RBMS3: variants seen among roughly 807,000 people sequenced by gnomAD.
RBMS3 encodes the protein RNA-binding motif, single-stranded-interacting protein 3.
In RBMS3, 27 loss-of-function variants were observed where a neutral mutation model predicts 66.8. That is an observed-to-expected ratio of 0.40 (90% CI 0.30 to 0.56). The LOEUF (loss-of-function observed/expected upper bound fraction) is 0.56, where lower values mean the gene tolerates loss of function less well. Among genes scored for constraint, RBMS3 ranks in the 20% least tolerant of loss-of-function variants. The probability of loss-of-function intolerance (pLI) is 0.40; values close to 1 mark genes in which losing one functional copy is unlikely to be tolerated. For synonymous variants in RBMS3, 188 were observed against 183.0 expected (o/e 1.03, Z -0.22); for missense variants, 513 against 549.5 (o/e 0.93, Z 0.66).
intron 5 of RBMS3, among the ~76,000 whole-genome samples, chr3:29,761,360 TTA>T (rs2055679758): frequency 6.6e-6 from 1 of 152,124 alleles, no homozygotes; most frequent in African/African-American, 2.4e-5. Flanking sequence ...TTCAAACTTG[TTA>T]AACAAGTGAT....
chr3:29,898,721 C>A (rs1302588186), intron 9 of RBMS3, among the ~76,000 whole-genome samples: 1 of 143,582 alleles, frequency 7.0e-6, no homozygotes, highest in Non-Finnish European at 1.5e-5. Context: ...TGCAGGCCTG[C>A]CTGGTTGTAA....
chr3:29,779,353 A>C (rs1287624994), intron 6 of RBMS3, among the ~76,000 whole-genome samples: 1 of 151,662 alleles, frequency 6.6e-6, no homozygotes, highest in African/African-American at 2.4e-5. Flanking sequence ...GTCTAGAAGA[A>C]AAGGCACACT....
intron 3 of RBMS3, among the ~76,000 whole-genome samples, chr3:29,583,262 G>T (rs569903593): frequency 6.6e-6 from 1 of 152,048 alleles, no homozygotes; most frequent in Non-Finnish European, 1.5e-5. Context: ...TGTACCATGT[G>T]GGGGTGGAAA....
intron 3 of RBMS3, among the ~76,000 whole-genome samples, chr3:29,542,410 G>T (rs7617053): frequency 1.3e-5 from 2 of 152,046 alleles, no homozygotes; most frequent in South Asian, 4.1e-4. Flanking sequence ...GCCTAGGCTG[G>T]AGTACAATGG....
intron 3 of RBMS3, among the ~76,000 whole-genome samples, chr3:29,488,723 CA>C (rs1263211329): frequency 6.6e-6 from 1 of 152,152 alleles, no homozygotes; most frequent in African/African-American, 2.4e-5. Context: ...GAACAAGTAT[CA>C]AATTGCTTCA....
intron 6 of RBMS3, among the ~76,000 whole-genome samples, chr3:29,812,929 A>G (rs1383845289): frequency 6.6e-6 from 1 of 152,108 alleles, no homozygotes; most frequent in Non-Finnish European, 1.5e-5. Flanking sequence ...TGCATATCAC[A>G]GATGTACAAC....
chr3:29,356,242 TCACCTCTGTTG>T (rs1385107310), intron 1 of RBMS3, among the ~76,000 whole-genome samples: 1 of 152,194 alleles, frequency 6.6e-6, no homozygotes, highest in Non-Finnish European at 1.5e-5. Context: ...ACAGTTTCTC[TCACCTCTGTTG>T]CATTGTCTCT....
chr3:29,991,104 CCCAGACAGTGGCA>C lies in RBMS3; in HGVS notation c.1205_1217del (p.Gln402LeufsTer13), dbSNP rs768747421. ...TAGGGTGTTGTTGCTGATACCTCTC[CCCAGACAGTGGCA>C]CCTTCATCCCAGGACACCAGTGGTC... On this transcript the variant is annotated frameshift_variant, in exon 14 of 15. Coordinates refer to ENST00000383767, the MANE Select transcript of RBMS3 (RefSeq NM_001003793.3). LOFTEE classifies it high-confidence loss of function. 5 of 1,614,076 alleles carry C rather than the reference CCCAGACAGTGGCA, an allele frequency of 3.1e-6. No individual in the cohort carries two copies. In the South Asian group the frequency reaches 5.5e-5, roughly 18 times the overall value.
At chr3:29,636,495 G>A (rs891550187) in intron 4 of RBMS3, among the ~76,000 whole-genome samples, 2 of 151,888 alleles carry the variant, frequency 1.3e-5, no homozygotes, top group African/African-American at 2.4e-5. Context: ...AGGGGAGGGT[G>A]GAAGGCTGGT....
At chr3:29,855,806 C>T (rs566438593) in intron 6 of RBMS3, among the ~76,000 whole-genome samples, 3 of 152,264 alleles carry the variant, frequency 2.0e-5, no homozygotes, top group Middle Eastern at 3.4e-3. Flanking sequence ...GTGCCTTCCA[C>T]GCTGGAAAAT....
chr3:29,807,119 G>T (rs1483012661), intron 6 of RBMS3, among the ~76,000 whole-genome samples: 1 of 151,730 alleles, frequency 6.6e-6, no homozygotes, highest in Non-Finnish European at 1.5e-5. Context: ...AACATGACGG[G>T]GCTGTAACAG....
At chr3:29,744,915 TG>T (rs2054816978) in intron 5 of RBMS3, among the ~76,000 whole-genome samples, 1 of 152,202 alleles carries the variant, frequency 6.6e-6, no homozygotes, top group Non-Finnish European at 1.5e-5. Flanking sequence ...ATTTTTTCAG[TG>T]GACTTCATTT....
intron 11 of RBMS3, among the ~76,000 whole-genome samples, chr3:29,937,745 AT>A (rs1456795429): frequency 6.6e-6 from 1 of 151,976 alleles, no homozygotes; most frequent in African/African-American, 2.4e-5. Context: ...GCTAATTTTC[AT>A]CATGGAGATA....
At chr3:29,595,396 C>CAAAA in intron 4 of RBMS3, among the ~76,000 whole-genome samples, 1 of 85,804 alleles carries the variant, frequency 1.2e-5, no homozygotes, top group Non-Finnish European at 2.2e-5. Context: ...AAGAGTCAGT[C>CAAAA]TAAAAAAAAA....
intron 12 of RBMS3, among the ~76,000 whole-genome samples, chr3:29,970,598 T>A (rs933754784): frequency 3.9e-5 from 6 of 152,204 alleles, no homozygotes; most frequent in Non-Finnish European, 8.8e-5. Flanking sequence ...AACTGAGATA[T>A]CACTGGGTCT....
chr3:29,992,382 A>G (rs968143936), intron 14 of RBMS3, among the ~76,000 whole-genome samples: 5 of 152,052 alleles, frequency 3.3e-5, no homozygotes, highest in Admixed American at 1.3e-4. Context: ...GTCAGGAGAT[A>G]GAGACCATCC....
chr3:29,759,986 C>T (rs1221079215), intron 5 of RBMS3, among the ~76,000 whole-genome samples: 1 of 152,062 alleles, frequency 6.6e-6, no homozygotes, highest in Non-Finnish European at 1.5e-5. Flanking sequence ...TCTAAAGGCT[C>T]ACAGCAGACA....
intron 6 of RBMS3, among the ~76,000 whole-genome samples, chr3:29,834,808 T>C (rs2058464211): frequency 6.6e-6 from 1 of 151,964 alleles, no homozygotes; most frequent in Non-Finnish European, 1.5e-5. Flanking sequence ...TAAAGGTAAC[T>C]GAATTAAAAT....
At chr3:29,659,476 A>G (rs918539243) in intron 4 of RBMS3, among the ~76,000 whole-genome samples, 3 of 152,238 alleles carry the variant, frequency 2.0e-5, no homozygotes, top group Non-Finnish European at 4.4e-5. Context: ...AAATGGAATC[A>G]TACAGTAAGT....
Sources: allele counts gnomAD v4.1 joint callset (sites outside exome capture counted in the v4.1 genomes callset), GRCh38; gene constraint gnomAD v4.1.1; transcripts MANE v1.5; gene names NCBI Gene and HGNC (gene_info 2026-07-23, HGNC 2026-07-21).